Variants in CFAP54 observed in about 807,000 individuals in gnomAD.
CFAP54 encodes cilia and flagella associated protein 54, also known as cilia- and flagella-associated protein 54.
CFAP54 carries 290 observed loss-of-function variants against 370.4 expected under a neutral mutation model. The ratio of observed to expected loss-of-function variants is 0.78; its 90% CI spans 0.71 to 0.86. CFAP54 has a LOEUF of 0.86. Ranked by LOEUF, CFAP54 falls within the 40% of genes least tolerant of loss-of-function variation. The pLI is 0.00. For synonymous variants in CFAP54, 1,206 were observed against 1,236.5 expected (o/e 0.98, Z 0.52); for missense variants, 3,399 against 3,528.7 (o/e 0.96, Z 0.93).
chr12:96,741,673 C>T (rs1291760256), intron 51 of CFAP54, among the ~76,000 whole-genome samples: 1 of 152,192 alleles, frequency 6.6e-6, no homozygotes. Context: ...TTCCTAGTGT[C>T]TACGATGGAC....
At chr12:96,791,792 A>G (rs188997340) in intron 62 of CFAP54, among the ~76,000 whole-genome samples, 12 of 152,206 alleles carry the variant, frequency 7.9e-5, no homozygotes, top group Admixed American at 6.5e-4. Context: ...TCACCCTGTA[A>G]GACTTACCAG....
At position 96,817,880 on chromosome 12, in the gene CFAP54, A is replaced by G. The variant is rs1224589280; in HGVS notation, c.9063A>G (p.Glu3021=). 67 of 1,504,238 alleles carry G rather than the reference A, an allele frequency of 4.5e-5. No homozygotes were observed. The highest frequency in any genetic ancestry group is 5.4e-5 in the Non-Finnish European group (61 of 1,130,408). The allele number at this position is 1,504,238 out of a possible 1,614,324, so 93.2% of individuals were successfully genotyped here. A position where few individuals can be genotyped will look rare whatever the true frequency, so the allele number is the denominator to read the frequency against. Residue 3021 remains glutamate, a synonymous_variant, in exon 65 of 68, where the codon GAA becomes GAG. Transcript: ENST00000524981. The stretch of plus-strand genomic sequence containing the variant: ...CAAATGAAAACATATATGAAGTAGA[A>G]GTGGAAGAGGAATCAGTTGATAATG... ...ITSNENIYEV[E]VEEESVDNEM... is the part of the protein sequence containing the mutation.
chr12:96,738,673 T>C (rs938507377), intron 50 of CFAP54, among the ~76,000 whole-genome samples: 1 of 144,644 alleles, frequency 6.9e-6, no homozygotes, highest in Non-Finnish European at 1.5e-5. Flanking sequence ...TTCAATGGAG[T>C]GATCTCGGCT....
Position 96,554,241 on chromosome 12 carries a change from A to G in CFAP54, c.2214A>G (p.Gly738=), listed in dbSNP as rs1236162920. The G allele has an allele frequency of 6.5e-7, 1 of 1,528,134 alleles. No homozygotes were observed. The highest frequency in any genetic ancestry group is 8.7e-7 in the Non-Finnish European group (1 of 1,143,112). 94.7% of individuals were successfully genotyped at this position (1,528,134 alleles called of 1,614,324 possible). A position where few individuals can be genotyped will look rare whatever the true frequency, so the allele number is the denominator to read the frequency against. Residue 738 remains glycine (G), a synonymous_variant, in exon 16 of 68, where the codon GGA becomes GGG. Transcript: ENST00000524981. ...AACTTCTTGACAGAGCAATCGGTGG[A>G]ATAAATTTGAATTGCATGTTAACCT... The part of the protein sequence containing the change: ...AYKLLDRAIG[G]INLNCMLTSL...
At chr12:96,730,573 GAGAAA>G (rs937327192) in intron 50 of CFAP54, among the ~76,000 whole-genome samples, 151 of 152,204 alleles carry the variant, frequency 9.9e-4, no homozygotes, top group African/African-American at 3.5e-3. Context: ...GTCACTGAAA[GAGAAA>G]AGAAATGATC....
At chr12:96,847,791 G>A (rs1959401511) in intron 66 of CFAP54, among the ~76,000 whole-genome samples, 1 of 152,174 alleles carries the variant, frequency 6.6e-6, no homozygotes, top group Admixed American at 6.5e-5. Flanking sequence ...TTGGTTGTCT[G>A]TGCATGTGGG....
intron 66 of CFAP54, among the ~76,000 whole-genome samples, chr12:96,849,072 G>A (rs1959459244): frequency 6.6e-6 from 1 of 152,120 alleles, no homozygotes; most frequent in African/African-American, 2.4e-5. Flanking sequence ...AAGTAAGCTC[G>A]TGTCATATTA....
At chr12:96,617,223 A>G (rs1211899981) in intron 26 of CFAP54, among the ~76,000 whole-genome samples, 1 of 152,230 alleles carries the variant, frequency 6.6e-6, no homozygotes, top group Non-Finnish European at 1.5e-5. Flanking sequence ...AGTCGATAGG[A>G]TATCCAAAGA....
At chr12:96,653,754 AAT>A (rs1299931474) in intron 36 of CFAP54, among the ~76,000 whole-genome samples, 7 of 151,962 alleles carry the variant, frequency 4.6e-5, no homozygotes, top group African/African-American at 1.7e-4. Flanking sequence ...AATAAAAAGA[AAT>A]AAAAGAAATG....
intron 24 of CFAP54, among the ~76,000 whole-genome samples, chr12:96,593,934 G>A (rs896837402): frequency 6.6e-6 from 1 of 151,612 alleles, no homozygotes; most frequent in African/African-American, 2.4e-5. Flanking sequence ...AATCAAATGG[G>A]GGCAATATTA....
At chr12:96,599,537 C>T (rs1956217786) in intron 26 of CFAP54, among the ~76,000 whole-genome samples, 1 of 152,182 alleles carries the variant, frequency 6.6e-6, no homozygotes, top group African/African-American at 2.4e-5. Context: ...AATGGGATCA[C>T]TGGGTCAAAT....
chr12:96,701,962 G>A (rs1957496727), intron 46 of CFAP54, among the ~76,000 whole-genome samples: 1 of 152,166 alleles, frequency 6.6e-6, no homozygotes, highest in Non-Finnish European at 1.5e-5. Flanking sequence ...GGGCAGGGGT[G>A]TACATTGGGA....
At chr12:96,748,929 A>G (rs1958151404) in intron 55 of CFAP54, among the ~76,000 whole-genome samples, 1 of 152,144 alleles carries the variant, frequency 6.6e-6, no homozygotes, top group African/African-American at 2.4e-5. Context: ...ATTATTGCCT[A>G]GTCACTCTCT....
chr12:96,843,598 T>A (rs890897841), intron 66 of CFAP54, among the ~76,000 whole-genome samples: 1 of 152,114 alleles, frequency 6.6e-6, no homozygotes, highest in African/African-American at 2.4e-5. Flanking sequence ...CCAGTGAGAG[T>A]TGGGCGACTC....
intron 17 of CFAP54, 181 bp downstream of exon 17, chr12:96,554,983 C>A: frequency 2.1e-6 from 1 of 467,820 alleles, no homozygotes; most frequent in Non-Finnish European, 3.5e-6. Flanking sequence ...TATTGCTTTA[C>A]ACTTTGCATA....
At chr12:96,800,451 GT>G (rs1958808896) in intron 63 of CFAP54, among the ~76,000 whole-genome samples, 1 of 152,126 alleles carries the variant, frequency 6.6e-6, no homozygotes, top group Non-Finnish European at 1.5e-5. Context: ...CCATTTTTTA[GT>G]TTGAGAATAT....
chr12:96,836,494 C>T (rs547855323), intron 66 of CFAP54, among the ~76,000 whole-genome samples: 46 of 152,156 alleles, frequency 3.0e-4, no homozygotes, highest in Non-Finnish European at 5.0e-4. Context: ...AGCAGAGGCA[C>T]GTGGAGGTGA....
At chr12:96,554,522 A>G (rs1955731381) in intron 16 of CFAP54, among the ~76,000 whole-genome samples, 154 bp from the exon 17 acceptor site, 1 of 152,138 alleles carries the variant, frequency 6.6e-6, no homozygotes, top group Non-Finnish European at 1.5e-5. Context: ...GGGCATATTT[A>G]TTAGTGTTTA....
At chr12:96,726,766 T>C (rs1055342121) in intron 50 of CFAP54, among the ~76,000 whole-genome samples, 1 of 152,136 alleles carries the variant, frequency 6.6e-6, no homozygotes, top group African/African-American at 2.4e-5. Flanking sequence ...AATTGTGATG[T>C]TAGGGTGTCA....
Sources: allele counts gnomAD v4.1 joint callset (sites outside exome capture counted in the v4.1 genomes callset), GRCh38; gene constraint gnomAD v4.1.1; transcripts MANE v1.5; gene names NCBI Gene and HGNC (gene_info 2026-07-23, HGNC 2026-07-21).